The following LAMC1 variants were observed in gnomAD, a reference collection of about 807,000 sequenced individuals.
LAMC1 encodes the protein laminin subunit gamma 1.
A neutral mutation model predicts 173.6 loss-of-function variants in LAMC1; 38 were observed. That is an observed-to-expected ratio of 0.22 (90% CI 0.17 to 0.29). The LOEUF (loss-of-function observed/expected upper bound fraction) is 0.29. LAMC1 is among the 10% of genes least tolerant of loss of function. The pLI, the probability that LAMC1 is intolerant of heterozygous loss-of-function variation, is 1.00. For synonymous variants in LAMC1, 746 were observed against 749.1 expected (o/e 1.00, Z 0.07); for missense variants, 1,824 against 2,051.8 (o/e 0.89, Z 2.14).
intron 21 of LAMC1, 80 bp from the exon 22 acceptor site, chr1:183,133,326 C>A: frequency 7.9e-7 from 1 of 1,266,284 alleles, no homozygotes; most frequent in Non-Finnish European, 1.1e-6. Flanking sequence ...CGTATTATCA[C>A]ATGATCATGT....
chr1:183,134,921 C>T (rs1484394930), intron 23 of LAMC1, 112 bp downstream of exon 23: 2 of 1,341,856 alleles, frequency 1.5e-6, no homozygotes, highest in Non-Finnish European at 2.1e-6. Context: ...GCTGAGAGAG[C>T]AGCCTAACAG....
chr1:183,054,529 G>A (rs960051079), intron 1 of LAMC1, among the ~76,000 whole-genome samples: 75 of 152,276 alleles, frequency 4.9e-4, no homozygotes, highest in African/African-American at 1.7e-3. Flanking sequence ...ACAGCCCCTA[G>A]GATACTGATA....
intron 1 of LAMC1, among the ~76,000 whole-genome samples, chr1:183,047,273 A>G (rs1041220153): frequency 1.3e-5 from 2 of 152,178 alleles, no homozygotes; most frequent in South Asian, 2.1e-4. Context: ...AAACAAAGCA[A>G]ACTGAACCAG....
intron 1 of LAMC1, among the ~76,000 whole-genome samples, chr1:183,060,404 AAAAAGCAATTACCCCTTT>A (rs1213201254): frequency 5.9e-5 from 9 of 151,930 alleles, no homozygotes; most frequent in African/African-American, 1.7e-4. Flanking sequence ...AAAAAAAAAA[AAAAAGCAATTACCCCTTT>A]ACCCTGTCCC....
chr1:183,055,289 C>A (rs1654556669), intron 1 of LAMC1, among the ~76,000 whole-genome samples: 1 of 151,960 alleles, frequency 6.6e-6, no homozygotes, highest in Non-Finnish European at 1.5e-5. Context: ...CGCGCCCGGA[C>A]ACATCCTTTC....
chr1:183,103,761 A>G, intron 2 of LAMC1, 129 bp downstream of exon 2: 1 of 706,208 alleles, frequency 1.4e-6, no homozygotes, highest in Non-Finnish European at 2.2e-6. Context: ...TGAGCAACAC[A>G]GACAGAGAGC....
intron 1 of LAMC1, among the ~76,000 whole-genome samples, chr1:183,069,825 G>A (rs1449696739): frequency 2.0e-5 from 3 of 152,138 alleles, no homozygotes; most frequent in Admixed American, 1.3e-4. Flanking sequence ...GCTTTCTGAG[G>A]AGCCTGTTTT....
intron 1 of LAMC1, among the ~76,000 whole-genome samples, chr1:183,087,823 T>C (rs1655469365): frequency 6.6e-6 from 1 of 151,968 alleles, no homozygotes; most frequent in African/African-American, 2.4e-5. Flanking sequence ...TTTCCTTTTT[T>C]TTTTTTTGAG....
At position 183,122,189 on chromosome 1, in the gene LAMC1, G is replaced by T. The variant is rs139817749; in HGVS notation, c.2339G>T (p.Ser780Ile). The change falls in exon 13 of 28, where the codon AGT becomes ATT. Residue 780 changes from serine (S) to isoleucine (I), a missense_variant. Ser to Ile is a moderately radical substitution (Grantham distance 142, BLOSUM62 -2). Transcript: ENST00000258341. The stretch of plus-strand genomic sequence containing the variant: ...CCCTGTCCGTGTCCTGGAGGTTCAA[G>T]TTGTGCTGTTGTTCCCAAGACAAAG... ...CQPCPCPGGS[S>I]CAVVPKTKEV... The T allele has an allele frequency of 1.2e-6, 2 of 1,614,196 alleles. No individual in the cohort carries two copies. The highest frequency in any genetic ancestry group is 2.2e-5 in the South Asian group (2 of 91,084).
intron 12 of LAMC1, 57 bp from the exon 13 acceptor site, chr1:183,122,006 T>C: frequency 6.2e-7 from 1 of 1,608,030 alleles, no homozygotes; most frequent in Non-Finnish European, 8.5e-7. Flanking sequence ...TAGAAAGTGC[T>C]CATTGTCTTA....
chr1:183,063,637 A>G (rs938283485), intron 1 of LAMC1, among the ~76,000 whole-genome samples: 1 of 152,194 alleles, frequency 6.6e-6, no homozygotes, highest in African/African-American at 2.4e-5. Flanking sequence ...GTACACTGTA[A>G]TGTCTTATAA....
intron 1 of LAMC1, among the ~76,000 whole-genome samples, chr1:183,099,100 T>G (rs1166925977): frequency 6.6e-6 from 1 of 152,160 alleles, no homozygotes; most frequent in Non-Finnish European, 1.5e-5. Flanking sequence ...TTTTGTTGTT[T>G]TTTTTTGAAA....
chr1:183,107,294 G>A (rs138180206), intron 2 of LAMC1, among the ~76,000 whole-genome samples: 5 of 152,226 alleles, frequency 3.3e-5, no homozygotes, highest in African/African-American at 9.6e-5. Context: ...GGTGTGTGTG[G>A]AAAAAGACAA....
intron 1 of LAMC1, among the ~76,000 whole-genome samples, chr1:183,090,366 G>T (rs958937623): frequency 1.3e-5 from 2 of 152,224 alleles, no homozygotes; most frequent in African/African-American, 4.8e-5. Flanking sequence ...CACAGCCCAT[G>T]AGAGATGAAG....
Position 183,118,122 on chromosome 1 carries a change from A to T in LAMC1, c.1966A>T (p.Ile656Leu). Residue 656 changes from isoleucine (I) to leucine (L), a missense_variant, in exon 11 of 28, where the codon ATA (isoleucine) becomes TTA (leucine). Coordinates refer to ENST00000258341, the MANE Select transcript of LAMC1 (RefSeq NM_002293.4). ...CCTAAACAACTTGACCTCTATCAAG[A>T]TACGTGGGACATACAGTGAGAGAAG... The part of the protein sequence containing the change: ...KLLNNLTSIK[I>L]RGTYSERSAG... 1 of 1,601,024 alleles carries T rather than the reference A, an allele frequency of 6.2e-7. No individual in the cohort carries two copies. The highest frequency in any genetic ancestry group is 8.6e-7 in the Non-Finnish European group (1 of 1,168,194).
intron 15 of LAMC1, 104 bp from the exon 16 acceptor site, chr1:183,126,016 C>G: frequency 8.9e-7 from 1 of 1,117,558 alleles, no homozygotes; most frequent in East Asian, 2.5e-5. Flanking sequence ...ATTCAGTTTT[C>G]TGATACAAGT....
chr1:183,047,707 AGGAGGGGATTGTGGGGAATT>A (rs1654301375), intron 1 of LAMC1, among the ~76,000 whole-genome samples: 1 of 152,214 alleles, frequency 6.6e-6, no homozygotes, highest in Non-Finnish European at 1.5e-5. Context: ...TTTAGTGGAC[AGGAGGGGATTGTGGGGAATT>A]GGAGGGGATG....
At chr1:183,123,931 A>C (rs1197161455) in intron 13 of LAMC1, among the ~76,000 whole-genome samples, 1 of 152,318 alleles carries the variant, frequency 6.6e-6, no homozygotes, top group African/African-American at 2.4e-5. Flanking sequence ...CACGAGCCCA[A>C]CTTGAACTAA....
intron 1 of LAMC1, among the ~76,000 whole-genome samples, chr1:183,092,189 A>G (rs1655582629): frequency 6.6e-6 from 1 of 152,230 alleles, no homozygotes; most frequent in Admixed American, 6.5e-5. Flanking sequence ...CGTGGAATAA[A>G]TTGCACATTA....
Sources: gnomAD v4.1 joint callset for allele counts (sites outside exome capture counted in the v4.1 genomes callset) on GRCh38, gnomAD v4.1.1 for gene constraint, MANE v1.5 for transcripts, NCBI Gene and HGNC (gene_info 2026-07-23, HGNC 2026-07-21) for gene names.